The following THSD7A variants were observed in gnomAD, a reference collection of about 807,000 sequenced individuals.
The protein encoded by THSD7A is thrombospondin type 1 domain containing 7A, also known as thrombospondin type-1 domain-containing protein 7A.
THSD7A carries 96 observed loss-of-function variants against 231.3 expected under a neutral mutation model. The ratio of observed to expected loss-of-function variants is 0.41; its 90% CI spans 0.35 to 0.49. The LOEUF (loss-of-function observed/expected upper bound fraction) is 0.49. Among genes scored for constraint, THSD7A ranks in the 20% least tolerant of loss-of-function variants. The pLI, the probability that THSD7A is intolerant of heterozygous loss-of-function variation, is 0.05. For synonymous variants in THSD7A, 940 were observed against 743.3 expected (o/e 1.26, Z -4.30); for missense variants, 2,290 against 2,070.2 (o/e 1.11, Z -2.06).
intron 1 of THSD7A, among the ~76,000 whole-genome samples, chr7:11,828,720 C>CATAGATAGATAG (rs3037777): frequency 2.6e-5 from 4 of 151,442 alleles, no homozygotes; most frequent in Non-Finnish European, 5.9e-5. Context: ...TAATAAAGCA[C>CATAGATAGATAG]ATAGATAGAT....
intron 4 of THSD7A, among the ~76,000 whole-genome samples, chr7:11,556,482 T>C (rs1789851919): frequency 6.6e-6 from 1 of 151,822 alleles, no homozygotes; most frequent in South Asian, 2.1e-4. Context: ...GTGTTATAAT[T>C]TTTGTTTCAA....
At chr7:11,380,770 G>T (rs1419119449) in intron 24 of THSD7A, among the ~76,000 whole-genome samples, 1 of 152,128 alleles carries the variant, frequency 6.6e-6, no homozygotes, top group African/African-American at 2.4e-5. Context: ...CCTAAAAGAT[G>T]AAAGAAGAAT....
At chr7:11,585,177 C>T (rs927356065) in intron 4 of THSD7A, among the ~76,000 whole-genome samples, 10 of 152,172 alleles carry the variant, frequency 6.6e-5, no homozygotes, top group Admixed American at 1.3e-4. Context: ...TCTTACATTA[C>T]CTCTGGGTAG....
chr7:11,462,424 T>C (rs535251229), intron 9 of THSD7A, among the ~76,000 whole-genome samples: 69 of 152,328 alleles, frequency 4.5e-4, no homozygotes, highest in Admixed American at 9.8e-4. Flanking sequence ...ATTGCTCTTT[T>C]GTATAATTCT....
intron 19 of THSD7A, among the ~76,000 whole-genome samples, chr7:11,409,028 T>C (rs1783685448): frequency 6.6e-6 from 1 of 152,216 alleles, no homozygotes; most frequent in Non-Finnish European, 1.5e-5. Flanking sequence ...CACATTTTAG[T>C]CCTGTACTAC....
chr7:11,716,475 A>T (rs1781141237), intron 1 of THSD7A, among the ~76,000 whole-genome samples: 1 of 151,610 alleles, frequency 6.6e-6, no homozygotes, highest in African/African-American at 2.4e-5. Context: ...ACATTCCTTT[A>T]AGCCACAGAT....
intron 2 of THSD7A, among the ~76,000 whole-genome samples, chr7:11,601,625 T>C (rs1780557192): frequency 6.6e-6 from 1 of 152,116 alleles, no homozygotes; most frequent in Admixed American, 6.6e-5. Flanking sequence ...TGCATGGACA[T>C]CTAGGAGAAT....
At chr7:11,442,925 T>A (rs1045272341) in intron 13 of THSD7A, among the ~76,000 whole-genome samples, 2 of 152,186 alleles carry the variant, frequency 1.3e-5, no homozygotes, top group African/African-American at 4.8e-5. Flanking sequence ...TAAGTGCCTT[T>A]CTCTAGAATA....
rs557686479 is a variant in THSD7A, at chr7:11,411,843, G to A, written c.3683-521C>T. On this transcript the variant is annotated intron_variant, in intron 18 of 27. Coordinates refer to ENST00000423059, the MANE Select transcript of THSD7A (RefSeq NM_015204.3). This position sits in a 1 kb window ranked among gnomAD's most constrained non-coding sequence, Gnocchi z 4.1. ...ATTTATTCATTCTCTTATGTCTTTC[G>A]TAAGAAGACATAAAAGACACCTCTT... 6.6e-5 allele frequency among the ~76,000 whole-genome samples: 10 copies of A among 151,024 alleles called. No individual in the cohort carries two copies. The highest frequency in any genetic ancestry group is 2.1e-4 in the South Asian group (1 of 4,784).
In THSD7A at chr7:11,498,024, A is replaced by T. The variant is rs192899019; in HGVS notation, c.1823-16042T>A. ...ATATAGCTATGTGGAGTCTTGGCAG[A>T]GCAGCCGCTCAGGCATGTGTGAAGA... On this transcript the variant is annotated intron_variant, in intron 6 of 27. Coordinates refer to ENST00000423059, the MANE Select transcript of THSD7A (RefSeq NM_015204.3). Among the ~76,000 whole-genome samples the T allele has an allele frequency of 6.2e-4, 95 of 152,262 alleles. No individual in the cohort carries two copies. In the East Asian group the frequency reaches 0.018, roughly 29 times the overall value.
chr7:11,413,399 G>T (rs544850697), intron 17 of THSD7A, among the ~76,000 whole-genome samples: 1 of 151,554 alleles, frequency 6.6e-6, no homozygotes, highest in African/African-American at 2.4e-5. Context: ...GCCTTTAGGC[G>T]TTCTTCCGTA....
At chr7:11,400,014 A>C (rs1783339912) in intron 23 of THSD7A, among the ~76,000 whole-genome samples, 1 of 152,074 alleles carries the variant, frequency 6.6e-6, no homozygotes, top group Admixed American at 6.6e-5. Context: ...CTTTGTAGGG[A>C]CATGGATGAA....
chr7:11,425,549 C>G (rs1784290060), intron 15 of THSD7A, among the ~76,000 whole-genome samples: 2 of 151,900 alleles, frequency 1.3e-5, no homozygotes, highest in South Asian at 4.1e-4. Flanking sequence ...GGGTGGTATG[C>G]TTGGTTTCAG....
At chr7:11,746,241 A>G (rs1782297106) in intron 1 of THSD7A, among the ~76,000 whole-genome samples, 2 of 151,964 alleles carry the variant, frequency 1.3e-5, no homozygotes, top group South Asian at 4.1e-4. Flanking sequence ...GATTGTATAC[A>G]GAGTTCCCAT....
rs1237915776 is a variant in THSD7A, at chr7:11,632,947, C to T, written c.1022+3183G>A. ...TTCATATAGTAATGTCCTTTGTTTG[C>T]ATATCCATTATCTCTTTTAAAAATT... On this transcript the variant is annotated intron_variant, in intron 2 of 27. Transcript: ENST00000423059. The surrounding 1 kb of genome is among the most constrained non-coding windows in gnomAD (Gnocchi z 4.1). Among the ~76,000 whole-genome samples, 3 of 152,186 alleles carry T rather than the reference C, an allele frequency of 2.0e-5. No homozygotes were observed. The highest frequency in any genetic ancestry group is 4.4e-5 in the Non-Finnish European group (3 of 68,020).
intron 4 of THSD7A, among the ~76,000 whole-genome samples, chr7:11,575,081 G>C (rs62434507): frequency 0.019 from 2,915 of 152,234 alleles, 92 homozygotes; most frequent in East Asian, 0.039. Flanking sequence ...GGATTATAGT[G>C]AGGGTCTCAT....
At chr7:11,468,086 G>A (rs1369325398) in intron 9 of THSD7A, among the ~76,000 whole-genome samples, 2 of 151,986 alleles carry the variant, frequency 1.3e-5, no homozygotes, top group East Asian at 3.9e-4. Context: ...GAAAGGCAAA[G>A]TCTTTCCACT....
chr7:11,405,336 T>C (rs1562583799), intron 22 of THSD7A, among the ~76,000 whole-genome samples: 1 of 152,176 alleles, frequency 6.6e-6, no homozygotes, highest in African/African-American at 2.4e-5. Flanking sequence ...TATGCCCCAT[T>C]ATTTTTGCCA....
At chr7:11,758,561 G>C (rs758580984) in intron 1 of THSD7A, among the ~76,000 whole-genome samples, 4 of 151,964 alleles carry the variant, frequency 2.6e-5, no homozygotes, top group Non-Finnish European at 4.4e-5. Flanking sequence ...CTCAAAATGG[G>C]GAGTAAAATT....
Sources: gnomAD v4.1 joint callset for allele counts (sites outside exome capture counted in the v4.1 genomes callset) on GRCh38, gnomAD v4.1.1 for gene constraint, Gnocchi (gnomAD v3.1) non-coding constraint, MANE v1.5 for transcripts, NCBI Gene and HGNC (gene_info 2026-07-23, HGNC 2026-07-21) for gene names.